Variants in ANKFY1 observed in about 807,000 individuals in gnomAD.
The protein encoded by ANKFY1 is ankyrin repeat and FYVE domain-containing protein 1.
A neutral mutation model predicts 128.3 loss-of-function variants in ANKFY1; 47 were observed. The ratio of observed to expected loss-of-function variants is 0.37; its 90% CI spans 0.29 to 0.47. The LOEUF (loss-of-function observed/expected upper bound fraction) is 0.47, where lower values mean the gene tolerates loss of function less well. Among genes scored for constraint, ANKFY1 ranks in the 20% least tolerant of loss-of-function variants. The pLI, the probability that ANKFY1 is intolerant of heterozygous loss-of-function variation, is 1.00. For missense variants in ANKFY1, 1,222 were observed against 1,510.6 expected (o/e 0.81, Z 3.17); for synonymous variants, 553 against 601.6 (o/e 0.92, Z 1.18).
intron 3 of ANKFY1, among the ~76,000 whole-genome samples, chr17:4,225,856 G>A (rs2060416735): frequency 6.6e-6 from 1 of 152,114 alleles, no homozygotes; most frequent in Non-Finnish European, 1.5e-5. Flanking sequence ...CTGCCTTGCA[G>A]GCTAAGTGAT....
intron 7 of ANKFY1, among the ~76,000 whole-genome samples, chr17:4,206,016 C>T (rs1279158310): frequency 6.6e-6 from 1 of 152,180 alleles, no homozygotes; most frequent in African/African-American, 2.4e-5. Context: ...CTGGAGAAAG[C>T]CATCCATTGA....
chr17:4,182,411 CTTCTGGGCATTCCAG>C (rs1268394049), intron 14 of ANKFY1, 62 bp from the exon 15 acceptor site: 1 of 1,353,458 alleles, frequency 7.4e-7, no homozygotes, highest in East Asian at 2.6e-5. Flanking sequence ...AGAAGGTGCC[CTTCTGGGCATTCCAG>C]AGTCCAGAAT....
chr17:4,258,877 T>C (rs1968263383), intron 1 of ANKFY1, among the ~76,000 whole-genome samples: 1 of 152,234 alleles, frequency 6.6e-6, no homozygotes, highest in Non-Finnish European at 1.5e-5. Context: ...TCTGATCAAA[T>C]TCCATCAAGC....
chr17:4,241,682 G>A (rs1014185400), intron 2 of ANKFY1, among the ~76,000 whole-genome samples: 2 of 152,018 alleles, frequency 1.3e-5, no homozygotes, highest in Non-Finnish European at 2.9e-5. Context: ...CAAGAGAAAC[G>A]GACCTTTGCC....
chr17:4,223,710 C>T, intron 3 of ANKFY1: 1 of 1,600,518 alleles, frequency 6.2e-7, no homozygotes, highest in Non-Finnish European at 8.6e-7. Context: ...ATCAACTGTC[C>T]TGATGAACCA....
chr17:4,209,425 T>G (rs1238561294), intron 5 of ANKFY1, among the ~76,000 whole-genome samples: 1 of 152,170 alleles, frequency 6.6e-6, no homozygotes, highest in African/African-American at 2.4e-5. Flanking sequence ...CACAGTCTCC[T>G]GAGTAGCTGG....
intron 5 of ANKFY1, 138 bp from the exon 6 acceptor site, chr17:4,208,220 A>G (rs1373665406): frequency 5.5e-6 from 4 of 732,942 alleles, no homozygotes; most frequent in Non-Finnish European, 8.2e-6. Context: ...ATTTCTCCCC[A>G]AAACCCAATG....
intron 3 of ANKFY1, among the ~76,000 whole-genome samples, chr17:4,228,266 T>C (rs935166661): frequency 5.3e-5 from 8 of 152,228 alleles, no homozygotes; most frequent in Admixed American, 1.3e-4. Context: ...CTCTATGCTC[T>C]ATGATTGCAC....
rs191751805 is a variant in ANKFY1 at position 4,227,934 on chromosome 17, T to C, written c.322+7838A>G. Among the ~76,000 whole-genome samples the C allele has an allele frequency of 3.3e-5, 5 of 152,258 alleles. No homozygotes were observed. The East Asian group carries it at 9.6e-4, about 29-fold the overall frequency. On this transcript the variant is annotated intron_variant, in intron 3 of 24. Transcript: ENST00000341657. ...CACGGCTAATGGGAATGTAAAATGG[T>C]ACATCCATTTTGCAAGACAGTTTGG...
intron 2 of ANKFY1, among the ~76,000 whole-genome samples, chr17:4,241,401 TC>T (rs755974297): frequency 5.4e-5 from 8 of 148,652 alleles, no homozygotes; most frequent in Non-Finnish European, 1.2e-4. Context: ...TGCCTCAGCC[TC>T]CCGAGTAGCT....
At position 4,197,151 on chromosome 17, in the gene ANKFY1, A is replaced by C. The variant is rs184073625; in HGVS notation, c.1103+222T>G. 5.5e-4 allele frequency among the ~76,000 whole-genome samples: 83 copies of C among 152,160 alleles called. 1 individual carries two copies. In the East Asian group the frequency reaches 7.7e-3, roughly 14 times the overall value. ...AACAAACAAACAACACACAAAAAAA[A>C]CCTCGAAGACTTCAGTTACCCAGGA... is the stretch of plus-strand genomic sequence containing the variant. On this transcript the variant is annotated intron_variant, in intron 8 of 24. Transcript: ENST00000341657.
rs1808820 is a variant in ANKFY1 at position 4,182,539 on chromosome 17, C to A, written c.1953-190G>T. ...CATTCTGACTTTTTAGAACACATAA[C>A]CATGTCACCTTATTGCCCTCGGAGA... On this transcript the variant is annotated intron_variant, in intron 14 of 24. Coordinates refer to ENST00000341657, the MANE Select transcript of ANKFY1 (RefSeq NM_001330063.2). 0.9 allele frequency among the ~76,000 whole-genome samples: 137,778 copies of A among 152,264 alleles called. 63,964 individuals are homozygous for A. The highest frequency in any genetic ancestry group is 1 in the Non-Finnish European group (67,971 of 68,040).
intron 19 of ANKFY1, among the ~76,000 whole-genome samples, chr17:4,175,625 T>C (rs575766910): frequency 2.8e-4 from 43 of 152,322 alleles, no homozygotes; most frequent in African/African-American, 1.0e-3. Flanking sequence ...GTTAGGACCC[T>C]GACTTCTAAG....
rs1348119915 is a variant in ANKFY1, at chr17:4,179,843, C to T, written c.2275G>A (p.Ala759Thr). 11 of 1,614,216 alleles carry T rather than the reference C, an allele frequency of 6.8e-6. No individual in the cohort carries two copies. The highest frequency in any genetic ancestry group is 1.3e-5 in the African/African-American group (1 of 75,050). Residue 759 changes from alanine (A) to threonine (T), a missense_variant, in exon 17 of 25, where the codon GCC becomes ACC. Physicochemically the swap from Ala to Thr is moderately conservative, Grantham distance 58. Coordinates refer to ENST00000341657, the MANE Select transcript of ANKFY1 (RefSeq NM_001330063.2). Reference protein sequence around the residue: ...CDVNSPRQPGANGEGEEEARD... With the variant: ...CDVNSPRQPGTNGEGEEEARD... The stretch of plus-strand genomic sequence containing the variant: ...GCCTCTTCCTCTCCTTCTCCATTGG[C>T]GCCTGGTTGTCTGGGACTGTTCACG...
chr17:4,193,273 A>G (rs2059749988), intron 10 of ANKFY1, among the ~76,000 whole-genome samples: 1 of 152,122 alleles, frequency 6.6e-6, no homozygotes, highest in Non-Finnish European at 1.5e-5. Flanking sequence ...TTGTTTTTTA[A>G]GAGAGAGAAT....
chr17:4,247,546 G>A (rs11652928), intron 1 of ANKFY1, among the ~76,000 whole-genome samples: 77,480 of 151,998 alleles, frequency 0.51, 21,657 homozygotes, highest in East Asian at 0.75. Flanking sequence ...ACTTACCAGC[G>A]CTACTTCAAT....
At chr17:4,201,123 C>G (rs971669142) in intron 7 of ANKFY1, among the ~76,000 whole-genome samples, 26 of 152,168 alleles carry the variant, frequency 1.7e-4, no homozygotes, top group African/African-American at 5.3e-4. Flanking sequence ...CTCAGCCTCC[C>G]AGCCTCAAGA....
chr17:4,208,377 G>C (rs1326310849), intron 5 of ANKFY1, among the ~76,000 whole-genome samples: 1 of 152,174 alleles, frequency 6.6e-6, no homozygotes, highest in Non-Finnish European at 1.5e-5. Context: ...CAGCATTACT[G>C]TGCCTCCCAG....
At chr17:4,188,869 GA>G (rs10708951) in intron 11 of ANKFY1, 99,804 of 126,858 alleles carry the variant, frequency 0.79, 38,463 homozygotes, top group East Asian at 0.85. Context: ...TGTGTCTCAA[GA>G]AAAAAAAAAA....
Sources: gnomAD v4.1 joint callset for allele counts (sites outside exome capture counted in the v4.1 genomes callset) on GRCh38, gnomAD v4.1.1 for gene constraint, MANE v1.5 for transcripts, NCBI Gene and HGNC (gene_info 2026-07-23, HGNC 2026-07-21) for gene names.